Variants in P3H2 observed in about 807,000 individuals in gnomAD.
The protein encoded by P3H2 is prolyl 3-hydroxylase 2.
A neutral mutation model predicts 87.0 loss-of-function variants in P3H2; 80 were observed. That is an observed-to-expected ratio of 0.92 (90% confidence interval 0.77 to 1.11). The LOEUF (loss-of-function observed/expected upper bound fraction) is 1.11, where lower values mean the gene tolerates loss of function less well. Among genes scored for constraint, P3H2 ranks in the 50% least tolerant of loss-of-function variants. P3H2 has a pLI of 0.00. For missense variants in P3H2, 1,001 were observed against 923.9 expected (o/e 1.08, Z -1.08); for synonymous variants, 367 against 359.3 (o/e 1.02, Z -0.24).
At chr3:190,032,267 A>G (rs1725278330) in intron 1 of P3H2, among the ~76,000 whole-genome samples, 1 of 152,104 alleles carries the variant, frequency 6.6e-6, no homozygotes, top group Non-Finnish European at 1.5e-5. Context: ...TCAAAGCACT[A>G]TATTTCTGTA....
intron 1 of P3H2, among the ~76,000 whole-genome samples, chr3:190,080,834 TAA>T (rs907573855): frequency 1.3e-5 from 2 of 152,074 alleles, no homozygotes; most frequent in Non-Finnish European, 2.9e-5. Context: ...GAGAATGAAA[TAA>T]AAATAATGAC....
chr3:190,107,173 C>A (rs1711875800), intron 1 of P3H2, among the ~76,000 whole-genome samples: 1 of 152,106 alleles, frequency 6.6e-6, no homozygotes, highest in Non-Finnish European at 1.5e-5. Flanking sequence ...TAGTCTGATT[C>A]TTCCTGCACA....
chr3:190,001,913 G>T (rs866978960), intron 1 of P3H2, among the ~76,000 whole-genome samples: 71 of 152,134 alleles, frequency 4.7e-4, no homozygotes, highest in African/African-American at 1.6e-3. Context: ...TATATTAAAA[G>T]AATATTCTTA....
Position 189,958,057 on chromosome 3 carries a change from A to C in P3H2, c.2035-53T>G. On this transcript the variant is annotated intron_variant, in intron 14 of 14. Coordinates refer to ENST00000319332, the MANE Select transcript of P3H2 (RefSeq NM_018192.4). ...TGTTACAAGCATAATAATCAGTCTC[A>C]TCAGCAGACGCTTCCCAAACACTTC... 2.3e-6 allele frequency: 3 copies of C among 1,324,522 alleles called. No homozygotes were observed. The South Asian group carries it at 3.5e-5, about 16-fold the overall frequency. 82.0% of individuals were successfully genotyped at this position (1,324,522 alleles called of 1,614,324 possible).
At position 190,029,191 on chromosome 3, in the gene P3H2, T is replaced by C. The variant is rs973288150; in HGVS notation, c.481-33749A>G. Among the ~76,000 whole-genome samples, 11 of 152,188 alleles carry C rather than the reference T, an allele frequency of 7.2e-5. No homozygotes were observed. The South Asian group carries it at 2.3e-3, about 32-fold the overall frequency. On this transcript the variant is annotated intron_variant, in intron 1 of 14. Coordinates refer to ENST00000319332, the MANE Select transcript of P3H2 (RefSeq NM_018192.4). Reference sequence around the variant, plus strand: ...GAGTTTGGAGCTCTCAATATCTGAATAGAAGTTGATTATCCAAGGAGCTGA... The same window carrying C: ...GAGTTTGGAGCTCTCAATATCTGAACAGAAGTTGATTATCCAAGGAGCTGA...
At chr3:189,978,156 G>T (rs1025406716) in intron 8 of P3H2, among the ~76,000 whole-genome samples, 9 of 152,120 alleles carry the variant, frequency 5.9e-5, no homozygotes, top group African/African-American at 1.7e-4. Context: ...AACTCAAATA[G>T]AAATGAAAGA....
In P3H2 at chr3:189,983,108, T is replaced by A; in HGVS notation, c.1262A>T (p.Glu421Val). Reference protein sequence around the residue: ...VPSGVNVEGAEVHGFSMGKKL... With the variant: ...VPSGVNVEGAVVHGFSMGKKL... The stretch of plus-strand genomic sequence containing the variant: ...TTTTCCCATTGAGAATCCATGAACT[T>A]CTGCTCCCTCTACGTTCACTCCTGA... Residue 421 changes from glutamate to valine, a missense_variant, in exon 8 of 15, where the codon GAA becomes GTA. Transcript: ENST00000319332. The A allele has an allele frequency of 6.2e-7, 1 of 1,613,970 alleles. No individual in the cohort carries two copies. Among genetic ancestry groups the A allele is most frequent in the East Asian group, 2.2e-5 (1 of 44,870 alleles).
chr3:190,109,707 T>C (rs769695101), intron 1 of P3H2, among the ~76,000 whole-genome samples: 1 of 152,152 alleles, frequency 6.6e-6, no homozygotes, highest in East Asian at 1.9e-4. Flanking sequence ...CTATTTCCAA[T>C]AGATTTCTCC....
rs547240466 is a variant in P3H2, at chr3:190,089,302, A to G, written c.480+30950T>C. On this transcript the variant is annotated intron_variant, in intron 1 of 14. Transcript: ENST00000319332. ...GTTAATGGGTGCAGCACACCAACAT[A>G]GCACATGTATACATATGTAACAAAC... Among the ~76,000 whole-genome samples, 49 of 152,322 alleles carry G rather than the reference A, an allele frequency of 3.2e-4. 1 individual carries two copies. The East Asian group carries it at 4.6e-3, about 14-fold the overall frequency.
At chr3:189,987,066 G>A (rs1258078801) in intron 5 of P3H2, among the ~76,000 whole-genome samples, 189 bp from the exon 6 acceptor site, 1 of 152,164 alleles carries the variant, frequency 6.6e-6, no homozygotes, top group Non-Finnish European at 1.5e-5. Flanking sequence ...ATGTGCTTCA[G>A]GCATAAATAA....
chr3:190,024,393 A>C (rs767237098), intron 1 of P3H2, among the ~76,000 whole-genome samples: 8 of 152,006 alleles, frequency 5.3e-5, no homozygotes, highest in Non-Finnish European at 8.8e-5. Flanking sequence ...AAATACAAAA[A>C]TTAGCCAGGC....
intron 1 of P3H2, among the ~76,000 whole-genome samples, chr3:190,010,033 T>G (rs1724537513): frequency 6.6e-6 from 1 of 152,186 alleles, no homozygotes; most frequent in Admixed American, 6.5e-5. Context: ...AACTTCCAGC[T>G]TTAATGTAAA....
chr3:189,981,074 C>A (rs1359240356), intron 8 of P3H2, among the ~76,000 whole-genome samples: 1 of 152,228 alleles, frequency 6.6e-6, no homozygotes, highest in African/African-American at 2.4e-5. Flanking sequence ...CTCCTGCCAT[C>A]CCCCCATACC....
Position 190,116,297 on chromosome 3 carries a change from G to T in P3H2, c.480+3955C>A, listed in dbSNP as rs190481033. ...AAAAAGAATAAATGTATCTCCAATG[G>T]TTACTGAGAATCAGGCCCTATGCTG... On this transcript the variant is annotated intron_variant, in intron 1 of 14. Transcript: ENST00000319332. Among the ~76,000 whole-genome samples, 483 of 152,266 alleles carry T rather than the reference G, an allele frequency of 3.2e-3. 4 individuals carry two copies. Among genetic ancestry groups the T allele is most frequent in the African/African-American group, 0.011 (468 of 41,546 alleles).
In P3H2 at chr3:190,120,876, G is replaced by A. The variant is rs535436285; in HGVS notation, c.-145C>T. ...GCTCCGCGAGCCCCAGGTGACCGCC[G>A]GCGCTCCGCGTACTGAGAGGCGGAG... is the stretch of plus-strand genomic sequence containing the variant. On this transcript the variant is annotated 5_prime_UTR_variant, in exon 1 of 15. Transcript: ENST00000319332. 9.7e-5 allele frequency: 127 copies of A among 1,310,674 alleles called. 2 individuals carry two copies. The South Asian group carries it at 1.7e-3, about 17-fold the overall frequency. 81.2% of individuals were successfully genotyped at this position (1,310,674 alleles called of 1,614,324 possible).
At chr3:189,966,464 G>A (rs187622210) in intron 13 of P3H2, among the ~76,000 whole-genome samples, 1 of 152,224 alleles carries the variant, frequency 6.6e-6, no homozygotes, top group Admixed American at 6.5e-5. Flanking sequence ...GGTTGGAACT[G>A]ATTATAGCCG....
intron 1 of P3H2, among the ~76,000 whole-genome samples, chr3:190,069,482 A>C (rs1169319737): frequency 6.6e-6 from 1 of 151,902 alleles, no homozygotes; most frequent in Non-Finnish European, 1.5e-5. Flanking sequence ...TCTCCTCTTC[A>C]CCTCCTCTCC....
At chr3:189,970,949 T>C (rs1433274088) in intron 12 of P3H2, 58 bp from the exon 13 acceptor site, 7 of 966,758 alleles carry the variant, frequency 7.2e-6, no homozygotes, top group African/African-American at 6.4e-5. Flanking sequence ...AGCATGGTCA[T>C]AGAATACTGA....
chr3:189,981,225 T>C (rs1723523831), intron 8 of P3H2, among the ~76,000 whole-genome samples: 1 of 152,254 alleles, frequency 6.6e-6, no homozygotes, highest in Non-Finnish European at 1.5e-5. Flanking sequence ...CACTGGTTTG[T>C]AGCTGGTCAA....
Sources: gnomAD v4.1 joint callset for allele counts (sites outside exome capture counted in the v4.1 genomes callset) on GRCh38, gnomAD v4.1.1 for gene constraint, MANE v1.5 for transcripts, NCBI Gene and HGNC (gene_info 2026-07-23, HGNC 2026-07-21) for gene names.